Variants in WWOX observed in about 807,000 individuals in gnomAD.
WWOX encodes WW domain containing oxidoreductase.
In WWOX, 69 loss-of-function variants were observed where a neutral mutation model predicts 46.2. That is an observed-to-expected ratio of 1.49 (90% CI 1.23 to 1.82). The LOEUF is 1.82. WWOX is among the 40% of genes most tolerant of loss of function. The pLI is 0.00. For synonymous variants in WWOX, 359 were observed against 202.6 expected, an observed-to-expected ratio of 1.77 and a Z score of -6.56; for missense variants, 919 against 542.6, an observed-to-expected ratio of 1.69 and a Z score of -6.89.
intron 8 of WWOX, among the ~76,000 whole-genome samples, chr16:78,693,982 C>T (rs1294660666): frequency 6.6e-6 from 1 of 152,098 alleles, no homozygotes; most frequent in Non-Finnish European, 1.5e-5. Flanking sequence ...CCTGTAATCC[C>T]AGCACTTTAG....
rs566811658 is a variant in WWOX at position 78,961,415 on chromosome 16, C to T, written c.1057-250193C>T. Among the ~76,000 whole-genome samples, 4 of 152,058 alleles carry T rather than the reference C, an allele frequency of 2.6e-5. No homozygotes were observed. In the East Asian group the frequency reaches 5.8e-4, roughly 22 times the overall value. ...GGCATGGCACAAAGATAACACTCAG[C>T]AGATATATAGCTATGGGATACATGG... On this transcript the variant is annotated intron_variant, in intron 8 of 8. Transcript: ENST00000566780.
At chr16:78,345,522 T>C (rs2081080016) in intron 5 of WWOX, among the ~76,000 whole-genome samples, 1 of 69,464 alleles carries the variant, frequency 1.4e-5, no homozygotes, top group South Asian at 4.5e-4. Flanking sequence ...GGCACACCTG[T>C]AGTCCCATCT....
At chr16:78,934,292 C>T (rs1017887446) in intron 8 of WWOX, among the ~76,000 whole-genome samples, 26 of 143,866 alleles carry the variant, frequency 1.8e-4, no homozygotes, top group Admixed American at 1.6e-3. Context: ...GAGCCGAGAT[C>T]GCACCACTGC....
chr16:78,108,947 C>G (rs1022346662), intron 2 of WWOX, among the ~76,000 whole-genome samples: 34 of 152,176 alleles, frequency 2.2e-4, no homozygotes, highest in Non-Finnish European at 4.6e-4. Flanking sequence ...AAGATCACAC[C>G]ACTGCGCTCC....
chr16:78,589,211 C>G (rs750172662), intron 8 of WWOX, among the ~76,000 whole-genome samples: 15 of 151,966 alleles, frequency 9.9e-5, no homozygotes, highest in Non-Finnish European at 2.1e-4. Context: ...TTTCTTATTG[C>G]GGTAAGTGCT....
At chr16:78,106,496 A>C (rs2032158942) in intron 1 of WWOX, among the ~76,000 whole-genome samples, 2 of 137,276 alleles carry the variant, frequency 1.5e-5, no homozygotes, top group South Asian at 4.8e-4. Flanking sequence ...AGCTCACCGC[A>C]GCCTCTGCCT....
chr16:78,182,766 C>T (rs974709004), intron 5 of WWOX, among the ~76,000 whole-genome samples: 1 of 151,836 alleles, frequency 6.6e-6, no homozygotes, highest in Non-Finnish European at 1.5e-5. Flanking sequence ...TCCTGGCTAA[C>T]AAAGTGAAAG....
intron 8 of WWOX, among the ~76,000 whole-genome samples, chr16:78,630,094 C>G (rs1489468277): frequency 1.3e-5 from 2 of 152,154 alleles, no homozygotes; most frequent in Non-Finnish European, 2.9e-5. Context: ...CATTGAAAAT[C>G]TGTCACCAGT....
rs570387610 is a variant in WWOX at position 78,895,881 on chromosome 16, C to G, written c.1057-315727C>G. On this transcript the variant is annotated intron_variant, in intron 8 of 8. Transcript: ENST00000566780. ...AGGAAGCTGATACAGTTCATGAAACCTCAGTCATTCTTTCGTATTACTCCT... is the reference window on the plus strand; with the variant it reads ...AGGAAGCTGATACAGTTCATGAAACGTCAGTCATTCTTTCGTATTACTCCT... 6 of 152,266 alleles carry G rather than the reference C, an allele frequency of 3.9e-5. No homozygotes were observed. In the South Asian group the frequency reaches 6.2e-4, roughly 16 times the overall value. 9.4% of individuals were successfully genotyped at this position (152,266 alleles called of 1,614,324 possible). A position where few individuals can be genotyped will look rare whatever the true frequency, so the allele number is the denominator to read the frequency against.
rs140878805 is a variant in WWOX, at chr16:78,542,981, T to C, written c.1056+110229T>C. On this transcript the variant is annotated intron_variant, in intron 8 of 8. Transcript: ENST00000566780. ...TAGAAGCAGAATAGCAAACAATTTT[T>C]CCTTTCATGGTCTACCTGTGTGACT... 2.3e-3 allele frequency among the ~76,000 whole-genome samples: 350 copies of C among 152,294 alleles called. 2 individuals carry two copies. The highest frequency in any genetic ancestry group is 7.9e-3 in the African/African-American group (330 of 41,566).
chr16:78,724,520 A>T (rs180900352), intron 8 of WWOX, among the ~76,000 whole-genome samples: 17 of 152,258 alleles, frequency 1.1e-4, no homozygotes, highest in Middle Eastern at 3.4e-3. Context: ...ATAGTTCTTT[A>T]TCGACATTAT....
At chr16:78,259,106 TTAGAAA>T (rs2038210937) in intron 5 of WWOX, among the ~76,000 whole-genome samples, 1 of 152,156 alleles carries the variant, frequency 6.6e-6, no homozygotes, top group African/African-American at 2.4e-5. Flanking sequence ...TGTGTTTGAG[TTAGAAA>T]TAGAGTTTTA....
chr16:78,961,418 A>T (rs1461820269), intron 8 of WWOX, among the ~76,000 whole-genome samples: 1 of 152,068 alleles, frequency 6.6e-6, no homozygotes, highest in Non-Finnish European at 1.5e-5. Context: ...CACTCAGCAG[A>T]TATATAGCTA....
chr16:78,164,227 A>T lies in WWOX; in HGVS notation c.454A>T (p.Ile152Phe), dbSNP rs961514796. ...TTTTGCCCTCCATGGTGCACATGTG[A>T]TCTTGGCCTGCAGGAACATGGCAAG... ...KSFALHGAHV[I>F]LACRNMARAS... The change falls in exon 5 of 9, where the codon ATC (isoleucine) becomes TTC (phenylalanine). Residue 152 changes from isoleucine to phenylalanine, a missense_variant. Ile to Phe is a conservative substitution (Grantham distance 21, BLOSUM62 0). Transcript: ENST00000566780. The T allele has an allele frequency of 3.7e-6, 6 of 1,614,020 alleles. No homozygotes were observed. The African/African-American group carries it at 6.7e-5, about 18-fold the overall frequency.
At chr16:78,406,348 A>T (rs1173675255) in intron 6 of WWOX, among the ~76,000 whole-genome samples, 88 of 76,358 alleles carry the variant, frequency 1.2e-3, no homozygotes, top group African/African-American at 6.9e-3. Flanking sequence ...ATATATATAT[A>T]TATATATTTT....
At chr16:78,990,451 C>G (rs1034136679) in intron 8 of WWOX, among the ~76,000 whole-genome samples, 1 of 152,042 alleles carries the variant, frequency 6.6e-6, no homozygotes, top group South Asian at 2.1e-4. Flanking sequence ...TTCCAGAGTC[C>G]GGAGCTACTA....
At chr16:78,407,778 T>C (rs570498306) in intron 6 of WWOX, among the ~76,000 whole-genome samples, 4 of 152,318 alleles carry the variant, frequency 2.6e-5, no homozygotes, top group East Asian at 1.9e-4. Context: ...AAAAATAGCA[T>C]TGATTCAAAC....
chr16:78,621,622 T>TTTTTTG (rs2046188495), intron 8 of WWOX, among the ~76,000 whole-genome samples: 3 of 121,864 alleles, frequency 2.5e-5, no homozygotes, highest in Non-Finnish European at 5.1e-5. Flanking sequence ...TTTTTTTTTT[T>TTTTTTG]GAGACAGAGT....
At chr16:78,710,416 A>G (rs3889649) in intron 8 of WWOX, among the ~76,000 whole-genome samples, 3,020 of 139,982 alleles carry the variant, frequency 0.022, 32 homozygotes, top group Middle Eastern at 0.065. Context: ...CATTGGCCAC[A>G]CCAGTGGGAT....
Sources: allele counts gnomAD v4.1 joint callset (sites outside exome capture counted in the v4.1 genomes callset), GRCh38; gene constraint gnomAD v4.1.1; transcripts MANE v1.5; gene names NCBI Gene and HGNC (gene_info 2026-07-23, HGNC 2026-07-21).